Variants in PKHD1 observed in about 807,000 individuals in gnomAD.
PKHD1 encodes the protein PKHD1 ciliary IPT domain containing fibrocystin/polyductin.
In PKHD1, 291 loss-of-function variants were observed where a neutral mutation model predicts 412.0. The ratio of observed to expected loss-of-function variants is 0.71; its 90% CI spans 0.64 to 0.78. The LOEUF (loss-of-function observed/expected upper bound fraction) is 0.78, where lower values mean the gene tolerates loss of function less well. Ranked by LOEUF, PKHD1 falls within the 30% of genes least tolerant of loss-of-function variation. The pLI is 0.00. For missense variants in PKHD1, 4,825 were observed against 4,950.7 expected (o/e 0.97, Z 0.76); for synonymous variants, 1,777 against 1,821.5 (o/e 0.98, Z 0.62).
intron 66 of PKHD1, among the ~76,000 whole-genome samples, chr6:51,626,115 CACACACACACACCCACATAA>C (rs1201152509): frequency 6.6e-6 from 1 of 151,748 alleles, no homozygotes; most frequent in East Asian, 1.9e-4. Flanking sequence ...TGTGCATGCA[CACACACACACACCCACATAA>C]ACACACACAT....
chr6:51,811,894 T>C (rs1222158178), intron 52 of PKHD1, among the ~76,000 whole-genome samples: 1 of 152,210 alleles, frequency 6.6e-6, no homozygotes, highest in Non-Finnish European at 1.5e-5. Context: ...GCTTTGTATA[T>C]TTTTACATTA....
chr6:51,968,684 A>C (rs1793210518), intron 35 of PKHD1, among the ~76,000 whole-genome samples: 1 of 152,202 alleles, frequency 6.6e-6, no homozygotes, highest in South Asian at 2.1e-4. Context: ...AAGCCCACTT[A>C]GCCTCAGTAA....
chr6:51,919,049 T>C (rs1445812209), intron 37 of PKHD1, among the ~76,000 whole-genome samples: 90 of 152,220 alleles, frequency 5.9e-4, no homozygotes, highest in Admixed American at 5.8e-3. Context: ...GATGGATAGA[T>C]TGCAAATATT....
At chr6:51,920,531 T>A (rs1784529198) in intron 37 of PKHD1, among the ~76,000 whole-genome samples, 1 of 152,250 alleles carries the variant, frequency 6.6e-6, no homozygotes, top group Non-Finnish European at 1.5e-5. Flanking sequence ...GGTTTGCCAG[T>A]ATTTTATTGA....
rs139554269 is a variant in PKHD1 at position 52,073,478 on chromosome 6, G to C, written c.512C>G (p.Ala171Gly). Residue 171 changes from alanine to glycine, a missense_variant, in exon 7 of 67, where the codon GCT becomes GGT. By Grantham distance (60) the Ala-to-Gly change is moderately conservative. Transcript: ENST00000371117. ...TGRLETFDFD[A>G]EYIDSPVILE... is the part of the protein sequence containing the mutation. ...ACACACTTACCTATCAATGTACTCA[G>C]CATCAAAATCAAAAGTTTCCAATCT... 1 of 1,600,058 alleles carries C rather than the reference G, an allele frequency of 6.2e-7. No homozygotes were observed. Among genetic ancestry groups the C allele is most frequent in the Admixed American group, 1.7e-5 (1 of 59,982 alleles).
At chr6:51,639,052 G>T in intron 63 of PKHD1, 96 bp from the exon 64 acceptor site, 1 of 961,530 alleles carries the variant, frequency 1.0e-6, no homozygotes, top group East Asian at 2.4e-5. Flanking sequence ...GGACAATAAA[G>T]GACAATTTTT....
At chr6:51,669,179 A>G (rs1251245508) in intron 60 of PKHD1, among the ~76,000 whole-genome samples, 2 of 151,142 alleles carry the variant, frequency 1.3e-5, no homozygotes, top group Admixed American at 1.3e-4. Flanking sequence ...CTGGTCCTGG[A>G]CTCTTTTTGG....
Position 51,962,069 on chromosome 6 carries a change from C to G in PKHD1, c.5752-2043G>C, listed in dbSNP as rs955418036. Among the ~76,000 whole-genome samples, 8 of 152,122 alleles carry G rather than the reference C, an allele frequency of 5.3e-5. No homozygotes were observed. The South Asian group carries it at 1.2e-3, about 24-fold the overall frequency. On this transcript the variant is annotated intron_variant, in intron 35 of 66. Transcript: ENST00000371117. Reference sequence around the variant, plus strand: ...AAGGAGATATATCTTTAAAAGGAACCAAGATGTTTTCTCCAAACCAACATC... The same window carrying G: ...AAGGAGATATATCTTTAAAAGGAACGAAGATGTTTTCTCCAAACCAACATC...
chr6:51,676,302 G>GA (rs1291017554), intron 60 of PKHD1, among the ~76,000 whole-genome samples: 1 of 145,274 alleles, frequency 6.9e-6, no homozygotes, highest in Non-Finnish European at 1.5e-5. Flanking sequence ...CTGAAGGAAA[G>GA]AAAAAAATTT....
At chr6:51,757,857 A>C (rs1323764516) in intron 55 of PKHD1, among the ~76,000 whole-genome samples, 1 of 151,968 alleles carries the variant, frequency 6.6e-6, no homozygotes, top group Non-Finnish European at 1.5e-5. Flanking sequence ...AAAGAAAAAA[A>C]AAATGTAGCC....
chr6:51,736,458 C>A (rs9370047), intron 60 of PKHD1, among the ~76,000 whole-genome samples: 47,216 of 151,960 alleles, frequency 0.31, 9,007 homozygotes, highest in East Asian at 0.56. Flanking sequence ...CGTATCCCCC[C>A]CTGCTTGGGA....
At chr6:51,748,859 G>C (rs1409690987) in intron 57 of PKHD1, among the ~76,000 whole-genome samples, 194 bp from the exon 58 acceptor site, 1 of 152,176 alleles carries the variant, frequency 6.6e-6, no homozygotes, top group Non-Finnish European at 1.5e-5. Context: ...ATTAATGCCT[G>C]AATTGCATGT....
intron 52 of PKHD1, among the ~76,000 whole-genome samples, chr6:51,807,455 AAAAATATAT>A (rs1763967040): frequency 1.8e-4 from 7 of 39,286 alleles, no homozygotes; most frequent in South Asian, 1.4e-3. Flanking sequence ...AAAAAAAAAA[AAAAATATAT>A]ATATATATAT....
intron 6 of PKHD1, among the ~76,000 whole-genome samples, chr6:52,075,198 G>A (rs1343036377): frequency 6.6e-6 from 1 of 152,196 alleles, no homozygotes; most frequent in Admixed American, 6.5e-5. Context: ...GCAAGAGCAT[G>A]CCAAATTCAT....
intron 37 of PKHD1, among the ~76,000 whole-genome samples, chr6:51,922,101 CA>C (rs1784802176): frequency 6.6e-6 from 1 of 152,194 alleles, no homozygotes; most frequent in Non-Finnish European, 1.5e-5. Flanking sequence ...TGGTGACCAA[CA>C]GATGGGGTTT....
chr6:51,765,647 T>C (rs988269655), intron 55 of PKHD1, among the ~76,000 whole-genome samples: 5 of 152,134 alleles, frequency 3.3e-5, no homozygotes, highest in African/African-American at 7.2e-5. Flanking sequence ...TTTTTGATCA[T>C]ATCACCATAT....
At chr6:51,997,318 GT>G (rs1797828415) in intron 35 of PKHD1, among the ~76,000 whole-genome samples, 1 of 152,130 alleles carries the variant, frequency 6.6e-6, no homozygotes, top group African/African-American at 2.4e-5. Context: ...TGACTCCTTA[GT>G]TTTCCTGTGC....
intron 60 of PKHD1, among the ~76,000 whole-genome samples, chr6:51,711,329 CAAAT>C (rs1379498028): frequency 6.6e-6 from 1 of 152,162 alleles, no homozygotes; most frequent in Admixed American, 6.5e-5. Context: ...AACCATCTCC[CAAAT>C]AAATAACCTA....
At chr6:51,849,216 T>C (rs1202344308) in intron 49 of PKHD1, among the ~76,000 whole-genome samples, 1 of 152,240 alleles carries the variant, frequency 6.6e-6, no homozygotes, top group Non-Finnish European at 1.5e-5. Context: ...TCCATGTCCC[T>C]GAAAAGGACA....
Sources: allele counts gnomAD v4.1 joint callset (sites outside exome capture counted in the v4.1 genomes callset), GRCh38; gene constraint gnomAD v4.1.1; transcripts MANE v1.5; gene names NCBI Gene and HGNC (gene_info 2026-07-23, HGNC 2026-07-21).